Variants in TOGARAM2 observed in about 807,000 individuals in gnomAD.
The protein encoded by TOGARAM2 is TOG array regulator of axonemal microtubules 2, also known as TOG array regulator of axonemal microtubules protein 2.
A neutral mutation model predicts 93.3 loss-of-function variants in TOGARAM2; 85 were observed. That is an observed-to-expected ratio of 0.91 (90% CI 0.76 to 1.09). The LOEUF (loss-of-function observed/expected upper bound fraction) is 1.09, where lower values mean the gene tolerates loss of function less well. Ranked by LOEUF, TOGARAM2 falls within the 50% of genes least tolerant of loss-of-function variation. The pLI is 0.00. For synonymous variants in TOGARAM2, 593 were observed against 552.8 expected, an observed-to-expected ratio of 1.07 and a Z score of -1.02; for missense variants, 1,277 against 1,334.5, an observed-to-expected ratio of 0.96 and a Z score of 0.67.
rs180842813 is a variant in TOGARAM2 at position 28,994,240 on chromosome 2, C to T, written c.-110-485C>T. Among the ~76,000 whole-genome samples, 7 of 152,192 alleles carry T rather than the reference C, an allele frequency of 4.6e-5. No individual in the cohort carries two copies. The East Asian group carries it at 1.2e-3, about 25-fold the overall frequency. ...GTCAGGTGAGAAGGAGCACCAAGGA[C>T]GTCATGGAGGTCATGACCGCGCATC... On this transcript the variant is annotated intron_variant, in intron 1 of 19. Coordinates refer to ENST00000379558, the MANE Select transcript of TOGARAM2 (RefSeq NM_199280.4).
intron 14 of TOGARAM2, 166 bp from the exon 15 acceptor site, chr2:29,032,768 G>A (rs1665845831): frequency 1.7e-6 from 1 of 584,746 alleles, no homozygotes; most frequent in East Asian, 2.9e-5. Context: ...GATTATAGAT[G>A]ATGTTTATTT....
intron 5 of TOGARAM2, 106 bp from the exon 6 acceptor site, chr2:29,003,386 G>T: frequency 1.0e-6 from 1 of 956,148 alleles, no homozygotes; most frequent in Non-Finnish European, 1.4e-6. Context: ...AGGGTGGTGT[G>T]GCTGAAAAGA....
At chr2:28,969,032 A>G (rs1458291316) in intron 1 of TOGARAM2, among the ~76,000 whole-genome samples, 1 of 152,138 alleles carries the variant, frequency 6.6e-6, no homozygotes, top group African/African-American at 2.4e-5. Flanking sequence ...GAAGATCAGC[A>G]TGAGAGGAAG....
At chr2:28,990,972 A>T (rs1170697090) in intron 1 of TOGARAM2, among the ~76,000 whole-genome samples, 3 of 131,824 alleles carry the variant, frequency 2.3e-5, no homozygotes, top group Non-Finnish European at 4.8e-5. Context: ...TGGACATGCG[A>T]GTGTGTGTGT....
chr2:29,010,731 C>T (rs755009284), intron 6 of TOGARAM2, among the ~76,000 whole-genome samples: 1 of 151,958 alleles, frequency 6.6e-6, no homozygotes, highest in South Asian at 2.1e-4. Context: ...TCCCGGAGGG[C>T]GGGGAGTGTC....
rs562817382 is a variant in TOGARAM2 at position 28,976,230 on chromosome 2, A to G, written c.-146-18495A>G. Among the ~76,000 whole-genome samples, 58 of 152,194 alleles carry G rather than the reference A, an allele frequency of 3.8e-4. 1 individual carries two copies. The highest frequency in any genetic ancestry group is 1.1e-3 in the Admixed American group (17 of 15,288). On this transcript the variant is annotated intron_variant, in intron 1 of 6. Transcript: ENST00000401723. The stretch of plus-strand genomic sequence containing the variant: ...CTAAAAATACAAAATAATTAGCCGG[A>G]CGTGGTGGCGGGTGCCTGTAGTCCC...
At chr2:29,021,577 G>T (rs1161943850) in intron 10 of TOGARAM2, among the ~76,000 whole-genome samples, 2 of 152,224 alleles carry the variant, frequency 1.3e-5, no homozygotes, top group Non-Finnish European at 2.9e-5. Context: ...CCTGTTTGTT[G>T]TGGGTCCCTG....
chr2:29,043,921 G>T (rs1009550676), intron 18 of TOGARAM2, among the ~76,000 whole-genome samples: 2 of 152,228 alleles, frequency 1.3e-5, no homozygotes, highest in African/African-American at 2.4e-5. Flanking sequence ...TCTAAATTCA[G>T]TAGATACGGA....
intron 14 of TOGARAM2, among the ~76,000 whole-genome samples, chr2:29,031,151 G>A (rs12468424): frequency 6.6e-6 from 1 of 152,218 alleles, no homozygotes; most frequent in South Asian, 2.1e-4. Context: ...GCAGTGATTA[G>A]GACATAGGTG....
intron 18 of TOGARAM2, among the ~76,000 whole-genome samples, chr2:29,043,277 A>C (rs905604330): frequency 3.9e-5 from 6 of 152,342 alleles, no homozygotes; most frequent in Non-Finnish European, 8.8e-5. Flanking sequence ...GAGCTTTTGC[A>C]AACAGCAGAG....
intron 1 of TOGARAM2, among the ~76,000 whole-genome samples, chr2:28,962,102 C>T (rs1219554695): frequency 6.6e-6 from 1 of 151,788 alleles, no homozygotes; most frequent in Non-Finnish European, 1.5e-5. Flanking sequence ...AGATTTATAT[C>T]ATCTTTTTGG....
intron 6 of TOGARAM2, among the ~76,000 whole-genome samples, chr2:29,004,271 C>A (rs1673490391): frequency 6.6e-6 from 1 of 152,222 alleles, no homozygotes; most frequent in East Asian, 1.9e-4. Context: ...GTGTGAGACA[C>A]CGTGCCCGGC....
intron 19 of TOGARAM2, chr2:29,050,726 A>T (rs1312377375): frequency 6.6e-6 from 1 of 152,238 alleles, no homozygotes; most frequent in East Asian, 1.9e-4. Flanking sequence ...CTTCGGCTGG[A>T]TGACAGGCAG....
intron 1 of TOGARAM2, among the ~76,000 whole-genome samples, chr2:28,967,696 C>A (rs184826404): frequency 2.9e-4 from 44 of 151,850 alleles, no homozygotes; most frequent in African/African-American, 1.0e-3. Flanking sequence ...TACTCCGTGA[C>A]CTTTGGCAAA....
intron 1 of TOGARAM2, among the ~76,000 whole-genome samples, chr2:28,964,141 C>G (rs988868615): frequency 4.6e-5 from 7 of 152,120 alleles, no homozygotes. Context: ...CTGAAATAGG[C>G]CTATTAAAGT....
intron 1 of TOGARAM2, among the ~76,000 whole-genome samples, chr2:28,959,674 C>T (rs906628457): frequency 4.0e-5 from 6 of 151,802 alleles, no homozygotes; most frequent in Non-Finnish European, 8.8e-5. Flanking sequence ...ACCTGGGAGG[C>T]GGAGCTTGCA....
intron 1 of TOGARAM2, among the ~76,000 whole-genome samples, chr2:28,971,451 A>G (rs538259645): frequency 2.0e-5 from 3 of 151,968 alleles, no homozygotes; most frequent in Admixed American, 6.6e-5. Flanking sequence ...AGCTCAAGCA[A>G]TCCTCCTGCC....
chr2:29,045,307 T>A lies in TOGARAM2; in HGVS notation c.2636-17T>A. 6.2e-7 allele frequency: 1 copy of A among 1,608,808 alleles called. No individual in the cohort carries two copies. The highest frequency in any genetic ancestry group is 1.1e-5 in the South Asian group (1 of 90,552). ...GCCCCCAGCAGTGTGGCCACTGACA[T>A]CCCCCTTCTCTTTCAGACAACCTTT... is the stretch of plus-strand genomic sequence containing the variant. On this transcript the variant is annotated splice_polypyrimidine_tract_variant and intron_variant, in intron 18 of 19. Coordinates refer to ENST00000379558, the MANE Select transcript of TOGARAM2 (RefSeq NM_199280.4).
At chr2:28,969,013 G>C (rs1456594249) in intron 1 of TOGARAM2, among the ~76,000 whole-genome samples, 5 of 152,082 alleles carry the variant, frequency 3.3e-5, no homozygotes, top group Non-Finnish European at 7.4e-5. Flanking sequence ...CAGGCAGTCT[G>C]AGTGCCAGGA....
Sources: allele counts gnomAD v4.1 joint callset (sites outside exome capture counted in the v4.1 genomes callset), GRCh38; gene constraint gnomAD v4.1.1; transcripts MANE v1.5; gene names NCBI Gene and HGNC (gene_info 2026-07-23, HGNC 2026-07-21).